CCDC125: variants seen among roughly 807,000 people sequenced by gnomAD.
CCDC125 encodes the protein coiled-coil domain containing 125.
Under a neutral mutation model 57.4 loss-of-function variants are expected in CCDC125, and 43 were observed. The ratio of observed to expected loss-of-function variants is 0.75; its 90% CI spans 0.59 to 0.97. CCDC125 has a LOEUF of 0.97. Among genes scored for constraint, CCDC125 ranks in the 50% least tolerant of loss-of-function variants. The pLI, the probability that CCDC125 is intolerant of heterozygous loss-of-function variation, is 0.00. For missense variants in CCDC125, 563 were observed against 595.7 expected, an observed-to-expected ratio of 0.95 and a Z score of 0.57; for synonymous variants, 187 against 195.2, an observed-to-expected ratio of 0.96 and a Z score of 0.35.
Position 69,320,592 on chromosome 5 carries a change from A to G in CCDC125, c.-40-12T>C. 7 of 1,265,412 alleles carry G rather than the reference A, an allele frequency of 5.5e-6. No homozygotes were observed. Among genetic ancestry groups the G allele is most frequent in the Non-Finnish European group, 3.3e-6 (3 of 899,278 alleles). 78.4% of individuals were successfully genotyped at this position (1,265,412 alleles called of 1,614,324 possible). On this transcript the variant is annotated splice_polypyrimidine_tract_variant and intron_variant, in intron 1 of 11. Transcript: ENST00000396496. ...AAAAAATGGGCTGTCTGTAGTTAAG[A>G]AAAACAGTAGTTAGGAAAACATCAG...
chr5:69,276,481 A>AT, downstream of CCDC125: 1 of 1,476,068 alleles, frequency 6.8e-7, no homozygotes, highest in Non-Finnish European at 9.4e-7. Flanking sequence ...TGAAGGTAAG[A>AT]TTTTCCTTAA....
In CCDC125 at chr5:69,282,261, G is replaced by T. The variant is rs1752549008; in HGVS notation, c.*468C>A. On this transcript the variant is annotated 3_prime_UTR_variant, in exon 12 of 12. Coordinates refer to ENST00000396496, the MANE Select transcript of CCDC125 (RefSeq NM_176816.5). ...TGTCAACACAGAATACTAATTTCTT[G>T]TAGAAAATGTAGAAAATAGGCTGGG... 6.6e-6 allele frequency: 1 copy of T among 150,698 alleles called. No homozygotes were observed. The highest frequency in any genetic ancestry group is 2.4e-5 in the African/African-American group (1 of 41,032). The allele number at this position is 150,698 out of a possible 1,614,324, so 9.3% of individuals were successfully genotyped here.
At chr5:69,311,965 C>A (rs1264492960) in intron 3 of CCDC125, among the ~76,000 whole-genome samples, 2 of 152,138 alleles carry the variant, frequency 1.3e-5, no homozygotes, top group Non-Finnish European at 2.9e-5. Flanking sequence ...GAACTCCTGA[C>A]CTCAAATGAT....
intron 2 of CCDC125, 143 bp downstream of exon 2, chr5:69,320,094 G>A: frequency 2.4e-6 from 2 of 821,518 alleles, no homozygotes; most frequent in African/African-American, 1.7e-5. Context: ...CTGCACTCCA[G>A]CCTGGGTGAC....
intron 2 of CCDC125, 46 bp downstream of exon 2, chr5:69,320,191 T>C (rs946611351): frequency 6.1e-6 from 9 of 1,470,820 alleles, no homozygotes; most frequent in Admixed American, 5.5e-5. Context: ...ATAGCTTTGA[T>C]ACTATGCACA....
At position 69,308,052 on chromosome 5, in the gene CCDC125, A is replaced by C. The variant is rs368436891; in HGVS notation, c.454-24T>G. ...GCCTAAGAAAAATAAAACTAGCATC[A>C]GTATAAATTAAATTTGTAATCACTC... On this transcript the variant is annotated intron_variant, in intron 4 of 11. Coordinates refer to ENST00000396496, the MANE Select transcript of CCDC125 (RefSeq NM_176816.5). 106 of 1,540,820 alleles carry C rather than the reference A, an allele frequency of 6.9e-5. No homozygotes were observed. Among genetic ancestry groups the C allele is most frequent in the Non-Finnish European group, 8.7e-5 (97 of 1,114,000 alleles).
At chr5:69,314,631 C>T (rs1249566395) in intron 2 of CCDC125, among the ~76,000 whole-genome samples, 4 of 152,110 alleles carry the variant, frequency 2.6e-5, no homozygotes, top group East Asian at 1.9e-4. Flanking sequence ...CACAGACCTC[C>T]GTCTCTACAA....
At chr5:69,319,723 C>CA (rs559953403) in intron 2 of CCDC125, among the ~76,000 whole-genome samples, 2 of 151,926 alleles carry the variant, frequency 1.3e-5, no homozygotes, top group Non-Finnish European at 1.5e-5. Context: ...CCTTGTGATC[C>CA]ACCTGCCTCA....
Position 69,300,033 on chromosome 5 carries a change from A to G in CCDC125, c.795T>C (p.Phe265=). 1 of 1,614,212 alleles carries G rather than the reference A, an allele frequency of 6.2e-7. No individual in the cohort carries two copies. ...CTACCTCAAGACCTGAAGCCTCTGC[A>G]AAGCCACTTTTATCACAGCACATGT... ...QENMCCDKSG[F]AEASGLELAV... is the part of the protein sequence containing the mutation. The change falls in exon 8 of 12, where the codon TTT becomes TTC. Residue 265 remains phenylalanine, a synonymous_variant. Coordinates refer to ENST00000396496, the MANE Select transcript of CCDC125 (RefSeq NM_176816.5).
chr5:69,306,635 C>T (rs1244931998), intron 6 of CCDC125, among the ~76,000 whole-genome samples, 182 bp downstream of exon 6: 2 of 152,156 alleles, frequency 1.3e-5, no homozygotes, highest in Non-Finnish European at 2.9e-5. Flanking sequence ...CCACACCCAG[C>T]CTATGCTATT....
chr5:69,323,300 C>T (rs1267802278), intron 1 of CCDC125, among the ~76,000 whole-genome samples: 2 of 150,914 alleles, frequency 1.3e-5, no homozygotes, highest in Non-Finnish European at 2.9e-5. Context: ...CAGAGAAAGA[C>T]TCCATCTCAA....
chr5:69,285,168 C>T (rs1008549456), intron 11 of CCDC125, among the ~76,000 whole-genome samples, 169 bp downstream of exon 11: 19 of 151,786 alleles, frequency 1.3e-4, no homozygotes, highest in African/African-American at 4.4e-4. Context: ...AGCTGATGAA[C>T]TAAAAAAATA....
Position 69,325,543 on chromosome 5 carries a change from G to A in CCDC125, c.-40-4963C>T, listed in dbSNP as rs535959166. On this transcript the variant is annotated intron_variant, in intron 1 of 11. Coordinates refer to ENST00000396496, the MANE Select transcript of CCDC125 (RefSeq NM_176816.5). ...GATTTTTTTTAAGAGACAGGGTCTC[G>A]GGCTGGGCACAGTGGCTCACGTCTG... 7.9e-5 allele frequency among the ~76,000 whole-genome samples: 12 copies of A among 151,370 alleles called. No homozygotes were observed. In the East Asian group the frequency reaches 1.8e-3, roughly 22 times the overall value.
chr5:69,291,048 G>T (rs886512504), intron 10 of CCDC125, among the ~76,000 whole-genome samples: 3 of 152,150 alleles, frequency 2.0e-5, no homozygotes, highest in African/African-American at 7.2e-5. Flanking sequence ...TAGAATTATA[G>T]ATCTGACAGA....
At chr5:69,329,512 T>TTC (rs1458387889) in intron 1 of CCDC125, among the ~76,000 whole-genome samples, 1 of 148,288 alleles carries the variant, frequency 6.7e-6, no homozygotes. Flanking sequence ...TTTTTTTTTT[T>TTC]TTTTTTTTGA....
At chr5:69,302,014 T>C (rs1312585447) in intron 7 of CCDC125, among the ~76,000 whole-genome samples, 1 of 150,914 alleles carries the variant, frequency 6.6e-6, no homozygotes, top group Non-Finnish European at 1.5e-5. Flanking sequence ...GCCCAGAAAG[T>C]GGAGGTTGCA....
At position 69,311,110 on chromosome 5, in the gene CCDC125, C is replaced by A. The variant is rs1213125455; in HGVS notation, c.453+8G>T. 5.7e-6 allele frequency: 9 copies of A among 1,580,612 alleles called. No individual in the cohort carries two copies. The highest frequency in any genetic ancestry group is 1.3e-5 in the African/African-American group (1 of 74,172). ...GTAAATGGTGAAAGTTTAAAAACAA[C>A]TTCTTACCATGCTTTGAAGAATTTT... On this transcript the variant is annotated splice_region_variant and intron_variant, in intron 4 of 11. Coordinates refer to ENST00000396496, the MANE Select transcript of CCDC125 (RefSeq NM_176816.5).
chr5:69,274,898 G>A, the CCDC125 span, among the ~76,000 whole-genome samples: 2 of 152,080 alleles, frequency 1.3e-5, no homozygotes, highest in Admixed American at 1.3e-4. Context: ...TTACAGGCAT[G>A]AGCCACCCCG....
At chr5:69,304,994 G>T (rs192866739) in intron 6 of CCDC125, among the ~76,000 whole-genome samples, 7 of 150,654 alleles carry the variant, frequency 4.6e-5, no homozygotes, top group Non-Finnish European at 7.4e-5. Flanking sequence ...GGAAATCTCC[G>T]TACCTTCTGA....
Sources: gnomAD v4.1 joint callset for allele counts (sites outside exome capture counted in the v4.1 genomes callset) on GRCh38, gnomAD v4.1.1 for gene constraint, MANE v1.5 for transcripts, NCBI Gene and HGNC (gene_info 2026-07-23, HGNC 2026-07-21) for gene names.